Variants in SLC22A3 observed in about 807,000 individuals in gnomAD.
The protein encoded by SLC22A3 is solute carrier family 22 member 3, also known as EMT organic cation transporter 3.
SLC22A3 carries 51 observed loss-of-function variants against 59.1 expected under a neutral mutation model. The observed-to-expected ratio is 0.86, with a 90% CI of 0.69 to 1.09. The LOEUF is 1.09. SLC22A3 is among the 50% of genes least tolerant of loss of function. The pLI is 0.00. For missense variants in SLC22A3, 711 were observed against 726.3 expected (o/e 0.98, Z 0.24); for synonymous variants, 325 against 292.0 (o/e 1.11, Z -1.15).
At chr6:160,379,902 C>G (rs1785734631) in intron 1 of SLC22A3, among the ~76,000 whole-genome samples, 1 of 152,092 alleles carries the variant, frequency 6.6e-6, no homozygotes, top group South Asian at 2.1e-4. Context: ...CTTCTAAAGT[C>G]CTTAAAACTC....
chr6:160,426,805 TC>T (rs916266345), intron 5 of SLC22A3, among the ~76,000 whole-genome samples: 2 of 152,162 alleles, frequency 1.3e-5, no homozygotes, highest in African/African-American at 4.8e-5. Flanking sequence ...CGTAAGGCTC[TC>T]CATGGAGTTC....
chr6:160,435,241 C>T (rs1005780454), intron 5 of SLC22A3, among the ~76,000 whole-genome samples: 6 of 152,120 alleles, frequency 3.9e-5, no homozygotes, highest in Non-Finnish European at 7.4e-5. Context: ...TCTTCCACGG[C>T]GATTGTCATG....
chr6:160,368,416 C>T (rs1213340961), intron 1 of SLC22A3, among the ~76,000 whole-genome samples: 2 of 152,232 alleles, frequency 1.3e-5, no homozygotes, highest in African/African-American at 2.4e-5. Context: ...TGATGCCTGT[C>T]TTCAGTCTCT....
rs188791814 is a variant in SLC22A3, at chr6:160,406,374, A to G, written c.534-667A>G. Among the ~76,000 whole-genome samples the G allele has an allele frequency of 4.6e-5, 7 of 152,322 alleles. No individual in the cohort carries two copies. In the East Asian group the frequency reaches 9.6e-4, roughly 21 times the overall value. On this transcript the variant is annotated intron_variant, in intron 2 of 10. Transcript: ENST00000275300. ...AATTTGACACCACTATGCTGAACCA[A>G]TTCACACCAGTCTCTCAGAATGTTG... is the stretch of plus-strand genomic sequence containing the variant.
At chr6:160,383,008 AG>A (rs1785853127) in intron 1 of SLC22A3, among the ~76,000 whole-genome samples, 1 of 152,220 alleles carries the variant, frequency 6.6e-6, no homozygotes, top group Non-Finnish European at 1.5e-5. Context: ...AAGAATAGAA[AG>A]AAAAAAATAC....
At chr6:160,435,563 G>T (rs1205407639) in intron 5 of SLC22A3, among the ~76,000 whole-genome samples, 1 of 152,148 alleles carries the variant, frequency 6.6e-6, no homozygotes, top group African/African-American at 2.4e-5. Flanking sequence ...AGCTTTGGTT[G>T]ATCTATTGAA....
At chr6:160,359,312 CT>C (rs1437852290) in intron 1 of SLC22A3, among the ~76,000 whole-genome samples, 1 of 152,122 alleles carries the variant, frequency 6.6e-6, no homozygotes, top group Non-Finnish European at 1.5e-5. Context: ...GGCTAAAGTG[CT>C]TTATATATTG....
intron 1 of SLC22A3, among the ~76,000 whole-genome samples, chr6:160,361,118 A>G (rs1784999942): frequency 1.3e-5 from 2 of 152,214 alleles, no homozygotes; most frequent in Admixed American, 6.5e-5. Context: ...GGAACATCAT[A>G]TACAATAAGG....
intron 2 of SLC22A3, among the ~76,000 whole-genome samples, chr6:160,403,682 A>T (rs1308632759): frequency 6.6e-6 from 1 of 151,986 alleles, no homozygotes; most frequent in African/African-American, 2.4e-5. Context: ...TGTATAAAAA[A>T]AATTATACAC....
intron 1 of SLC22A3, among the ~76,000 whole-genome samples, chr6:160,391,760 G>C (rs901914436): frequency 6.6e-6 from 1 of 152,204 alleles, no homozygotes; most frequent in African/African-American, 2.4e-5. Context: ...AGAGAGAGGG[G>C]CTGACGTATC....
intron 1 of SLC22A3, among the ~76,000 whole-genome samples, chr6:160,397,614 G>C (rs1473884626): frequency 6.6e-6 from 1 of 151,456 alleles, no homozygotes; most frequent in Non-Finnish European, 1.5e-5. Context: ...CACACCTGTA[G>C]TCCCAGCTAC....
chr6:160,443,183 C>T (rs1326527922), intron 8 of SLC22A3, among the ~76,000 whole-genome samples: 1 of 152,266 alleles, frequency 6.6e-6, no homozygotes, highest in Non-Finnish European at 1.5e-5. Context: ...CTGTATCCAT[C>T]AGCATCACCT....
chr6:160,394,029 G>T (rs1311721449), intron 1 of SLC22A3, among the ~76,000 whole-genome samples: 1 of 152,228 alleles, frequency 6.6e-6, no homozygotes, highest in African/African-American at 2.4e-5. Flanking sequence ...ATGCCAAAAG[G>T]CGTCATTTTC....
intron 5 of SLC22A3, among the ~76,000 whole-genome samples, chr6:160,412,285 C>T (rs1787284170): frequency 6.6e-6 from 1 of 152,080 alleles, no homozygotes; most frequent in Admixed American, 6.6e-5. Context: ...ATCACTTGAA[C>T]CCAGGAGGCA....
chr6:160,413,250 C>G (rs951163739), intron 5 of SLC22A3, among the ~76,000 whole-genome samples: 4 of 152,154 alleles, frequency 2.6e-5, no homozygotes, highest in African/African-American at 9.7e-5. Context: ...GACCCACTGA[C>G]CCAGCTTTAT....
intron 1 of SLC22A3, among the ~76,000 whole-genome samples, chr6:160,385,968 G>C (rs1186643719): frequency 1.4e-5 from 2 of 143,636 alleles, no homozygotes; most frequent in Non-Finnish European, 3.1e-5. Context: ...TGGAAGCCAA[G>C]GTCTATTTCT....
At chr6:160,429,516 G>A (rs1788074269) in intron 5 of SLC22A3, among the ~76,000 whole-genome samples, 1 of 152,158 alleles carries the variant, frequency 6.6e-6, no homozygotes, top group Non-Finnish European at 1.5e-5. Flanking sequence ...AGAGCCCCAG[G>A]TGGAAGTAAA....
chr6:160,447,836 A>G lies in SLC22A3; in HGVS notation c.1610+18A>G, dbSNP rs755536943. ...CTTGGCAGGTACTGTACAAAATTCA[A>G]TGCACCCTAAATAAAAGCAATATTT... On this transcript the variant is annotated intron_variant, in intron 10 of 10. Transcript: ENST00000275300. 9.6e-6 allele frequency: 15 copies of G among 1,560,154 alleles called. No individual in the cohort carries two copies. Among genetic ancestry groups the G allele is most frequent in the East Asian group, 6.7e-5 (3 of 44,638 alleles).
In SLC22A3 at chr6:160,424,567, T is replaced by C. The variant is rs544960402; in HGVS notation, c.976-12213T>C. ...AACTTCTAGGATCCCTTCATTTCTT[T>C]CATTCAATAAAATACACTTGAGTTC... is the stretch of plus-strand genomic sequence containing the variant. On this transcript the variant is annotated intron_variant, in intron 5 of 10. Transcript: ENST00000275300. Among the ~76,000 whole-genome samples the C allele has an allele frequency of 8.3e-4, 127 of 152,316 alleles. 1 individual carries two copies. The highest frequency in any genetic ancestry group is 5.1e-4 in the Non-Finnish European group (35 of 68,026).
Sources: allele counts gnomAD v4.1 joint callset (sites outside exome capture counted in the v4.1 genomes callset), GRCh38; gene constraint gnomAD v4.1.1; transcripts MANE v1.5; gene names NCBI Gene and HGNC (gene_info 2026-07-23, HGNC 2026-07-21).